The following DCPS variants were observed in gnomAD, a reference collection of about 807,000 sequenced individuals.
The protein encoded by DCPS is m7GpppX diphosphatase.
In DCPS, 27 loss-of-function variants were observed where a neutral mutation model predicts 34.7. That is an observed-to-expected ratio of 0.78 (90% CI 0.57 to 1.07). The LOEUF (loss-of-function observed/expected upper bound fraction) is 1.07, where lower values mean the gene tolerates loss of function less well. Among genes scored for constraint, DCPS ranks in the 50% least tolerant of loss-of-function variants. DCPS has a pLI of 0.00. For synonymous variants in DCPS, 185 were observed against 185.7 expected, an observed-to-expected ratio of 1.00 and a Z score of 0.03; for missense variants, 464 against 436.9, an observed-to-expected ratio of 1.06 and a Z score of -0.55.
chr11:126,341,859 T>A (rs1395467859), intron 4 of DCPS: 1 of 152,272 alleles, frequency 6.6e-6, no homozygotes, highest in African/African-American at 2.4e-5. Context: ...GAGCTTCCTG[T>A]GGGCTCATCT....
rs370738514 is a variant in DCPS, at chr11:126,345,457, G to A, written c.858G>A (p.Glu286=). 6.2e-7 allele frequency: 1 copy of A among 1,614,056 alleles called. No individual in the cohort carries two copies. Among genetic ancestry groups the A allele is most frequent in the Non-Finnish European group, 8.5e-7 (1 of 1,180,032 alleles). ...LHVHFTALGF[E]APGSGVERAH... ...TGCACTTCACCGCCCTGGGCTTCGAGGCCCCCGGCTCAGGCGTGGAGCGGG... is the reference window on the plus strand; with the variant it reads ...TGCACTTCACCGCCCTGGGCTTCGAAGCCCCCGGCTCAGGCGTGGAGCGGG... Residue 286 remains glutamate, a synonymous_variant, in exon 6 of 6, where the codon GAG becomes GAA. Coordinates refer to ENST00000263579, the MANE Select transcript of DCPS (RefSeq NM_014026.6). The surrounding 1 kb of genome is among the most constrained non-coding windows in gnomAD (Gnocchi z 7.4).
In DCPS at chr11:126,345,881, C is replaced by T; in HGVS notation, c.*268C>T. ...GTTTCAACTGACAGGTGGGAGCTGCCCTGGAAGGGTGCCGAGGGCCTTCTC... is the reference window on the plus strand; with the variant it reads ...GTTTCAACTGACAGGTGGGAGCTGCTCTGGAAGGGTGCCGAGGGCCTTCTC... On this transcript the variant is annotated 3_prime_UTR_variant, in exon 6 of 6. Transcript: ENST00000263579. The surrounding 1 kb of genome is among the most constrained non-coding windows in gnomAD (Gnocchi z 7.4). The T allele has an allele frequency of 1.9e-6, 1 of 530,004 alleles. No homozygotes were observed. The highest frequency in any genetic ancestry group is 2.1e-5 in the South Asian group (1 of 47,206). 32.8% of individuals were successfully genotyped at this position (530,004 alleles called of 1,614,324 possible).
chr11:126,305,866 G>A (rs576323401), intron 1 of DCPS, among the ~76,000 whole-genome samples: 3 of 152,234 alleles, frequency 2.0e-5, no homozygotes, highest in East Asian at 1.9e-4. Context: ...GAGAGCCTTC[G>A]AGCTAGGAGT....
chr11:126,339,269 G>T (rs1319770129), intron 4 of DCPS, among the ~76,000 whole-genome samples: 1 of 152,198 alleles, frequency 6.6e-6, no homozygotes, highest in African/African-American at 2.4e-5. Flanking sequence ...ACTTTCACCT[G>T]TGGAGTAATC....
intron 2 of DCPS, among the ~76,000 whole-genome samples, chr11:126,309,404 T>C (rs530285832): frequency 8.0e-4 from 122 of 152,242 alleles, no homozygotes; most frequent in African/African-American, 2.5e-3. Context: ...CTGTGGATGC[T>C]CAAGTCCCTG....
In DCPS at chr11:126,344,002, G is replaced by C. The variant is rs2135338776; in HGVS notation, c.747+585G>C. ...TGGCCTGACATTTGGACCCTAACCA[G>C]CTGAGTGGCCTGGGGCAGGTCACTT... is the stretch of plus-strand genomic sequence containing the variant. On this transcript the variant is annotated intron_variant, in intron 5 of 5. Coordinates refer to ENST00000263579, the MANE Select transcript of DCPS (RefSeq NM_014026.6). The surrounding 1 kb of genome is among the most constrained non-coding windows in gnomAD (Gnocchi z 8.1). 6.6e-6 allele frequency among the ~76,000 whole-genome samples: 1 copy of C among 152,250 alleles called. No individual in the cohort carries two copies. Among genetic ancestry groups the C allele is most frequent in the East Asian group, 1.9e-4 (1 of 5,166 alleles).
intron 2 of DCPS, among the ~76,000 whole-genome samples, chr11:126,310,981 G>C (rs962228367): frequency 2.0e-5 from 3 of 151,892 alleles, no homozygotes; most frequent in Non-Finnish European, 1.5e-5. Context: ...GGGCTCAGCT[G>C]ATTTTTTTCT....
At chr11:126,324,535 A>C (rs548534987) in intron 2 of DCPS, among the ~76,000 whole-genome samples, 23 of 150,108 alleles carry the variant, frequency 1.5e-4, no homozygotes, top group Admixed American at 1.5e-3. Flanking sequence ...GCTCATCACA[A>C]CCTCCGTTTC....
chr11:126,324,911 C>T lies in DCPS; in HGVS notation c.377-6494C>T, dbSNP rs577561463. On this transcript the variant is annotated intron_variant, in intron 2 of 5. Coordinates refer to ENST00000263579, the MANE Select transcript of DCPS (RefSeq NM_014026.6). ...TGGAGATGCCTTCTCTGGCTGGGCA[C>T]GGTGGCTCACACCTATATCCCAGAA... is the stretch of plus-strand genomic sequence containing the variant. Among the ~76,000 whole-genome samples the T allele has an allele frequency of 9.9e-5, 15 of 152,190 alleles. No homozygotes were observed. The South Asian group carries it at 1.0e-3, about 11-fold the overall frequency.
intron 4 of DCPS, among the ~76,000 whole-genome samples, chr11:126,339,988 A>T (rs1240886817): frequency 6.6e-6 from 1 of 152,192 alleles, no homozygotes; most frequent in African/African-American, 2.4e-5. Context: ...TTGAAGACTG[A>T]AGAGCTTGCC....
rs1408079454 is a variant in DCPS, at chr11:126,323,268, G to A, written c.377-8137G>A. Among the ~76,000 whole-genome samples the A allele has an allele frequency of 6.6e-6, 1 of 152,196 alleles. No individual in the cohort carries two copies. The highest frequency in any genetic ancestry group is 1.5e-5 in the Non-Finnish European group (1 of 68,034). On this transcript the variant is annotated intron_variant, in intron 2 of 5. Transcript: ENST00000263579. The surrounding 1 kb of genome is among the most constrained non-coding windows in gnomAD (Gnocchi z 4.4). ...TTTACAAATTTGATAATTCTGTACTGTTACCAATAGTTACAAGAGACCTTT... is the reference window on the plus strand; with the variant it reads ...TTTACAAATTTGATAATTCTGTACTATTACCAATAGTTACAAGAGACCTTT...
chr11:126,309,636 T>C (rs1213648793), intron 2 of DCPS, among the ~76,000 whole-genome samples: 1 of 152,198 alleles, frequency 6.6e-6, no homozygotes, highest in East Asian at 1.9e-4. Flanking sequence ...GAGGGCCGAC[T>C]GTACATGCGG....
intron 2 of DCPS, among the ~76,000 whole-genome samples, chr11:126,326,362 G>T (rs1193866872): frequency 6.6e-6 from 1 of 152,150 alleles, no homozygotes; most frequent in Non-Finnish European, 1.5e-5. Context: ...GTGGGTCCCG[G>T]CCCTGAGCAC....
rs1951786632 is a variant in DCPS at position 126,331,059 on chromosome 11, G to A, written c.377-346G>A. Among the ~76,000 whole-genome samples, 1 of 151,970 alleles carries A rather than the reference G, an allele frequency of 6.6e-6. No individual in the cohort carries two copies. The highest frequency in any genetic ancestry group is 2.4e-5 in the African/African-American group (1 of 41,390). On this transcript the variant is annotated intron_variant, in intron 2 of 5. Coordinates refer to ENST00000263579, the MANE Select transcript of DCPS (RefSeq NM_014026.6). This position sits in a 1 kb window ranked among gnomAD's most constrained non-coding sequence, Gnocchi z 7.2. ...CCTTTAAGCCATATTTTCAGCTTTG[G>A]GTCCAGAAAGCCACATACCTAGAAA...
At chr11:126,317,779 G>A (rs1951673194) in intron 2 of DCPS, among the ~76,000 whole-genome samples, 1 of 152,212 alleles carries the variant, frequency 6.6e-6, no homozygotes, top group Admixed American at 6.5e-5. Flanking sequence ...CTTTCTGTGT[G>A]TGGAGAAGTG....
intron 4 of DCPS, among the ~76,000 whole-genome samples, chr11:126,339,957 A>G (rs942042991): frequency 6.6e-6 from 1 of 152,154 alleles, no homozygotes; most frequent in African/African-American, 2.4e-5. Flanking sequence ...TAGGAGGAGG[A>G]CCTTCTGCCG....
chr11:126,314,126 A>G (rs751754396), intron 2 of DCPS, among the ~76,000 whole-genome samples: 1 of 152,146 alleles, frequency 6.6e-6, no homozygotes, highest in Non-Finnish European at 1.5e-5. Flanking sequence ...CTCCCCAATG[A>G]TTGTTGTTCT....
rs240543 is a variant in DCPS, at chr11:126,336,481, G to A, written c.523-1805G>A. The A allele has an allele frequency of 0.19, 28,890 of 152,186 alleles. 3,931 individuals carry two copies. Among genetic ancestry groups the A allele is most frequent in the East Asian group, 0.67 (3,463 of 5,156 alleles). 9.4% of individuals were successfully genotyped at this position (152,186 alleles called of 1,614,324 possible). A position where few individuals can be genotyped will look rare whatever the true frequency, so the allele number is the denominator to read the frequency against. ...CCATTTTACAAAGGAGGCATCAGTC[G>A]CTCACCCAGTGACAGCTGGGAGATG... is the stretch of plus-strand genomic sequence containing the variant. On this transcript the variant is annotated intron_variant, in intron 3 of 5. Coordinates refer to ENST00000263579, the MANE Select transcript of DCPS (RefSeq NM_014026.6). This position sits in a 1 kb window ranked among gnomAD's most constrained non-coding sequence, Gnocchi z 6.3.
At chr11:126,307,248 G>C (rs1423549001) in intron 2 of DCPS, among the ~76,000 whole-genome samples, 1 of 150,822 alleles carries the variant, frequency 6.6e-6, no homozygotes, top group African/African-American at 2.4e-5. Flanking sequence ...TGGGAGACTC[G>C]CTTGAACCCA....
Sources: gnomAD v4.1 joint callset for allele counts (sites outside exome capture counted in the v4.1 genomes callset) on GRCh38, gnomAD v4.1.1 for gene constraint, Gnocchi (gnomAD v3.1) non-coding constraint, MANE v1.5 for transcripts, NCBI Gene and HGNC (gene_info 2026-07-23, HGNC 2026-07-21) for gene names.